The following GPR176 variants were observed in gnomAD, a reference collection of about 807,000 sequenced individuals.
GPR176 encodes the protein G-protein coupled receptor 176.
A neutral mutation model predicts 35.4 loss-of-function variants in GPR176; 26 were observed. The ratio of observed to expected loss-of-function variants is 0.74; its 90% CI spans 0.54 to 1.02. The LOEUF (loss-of-function observed/expected upper bound fraction) is 1.02. GPR176 is among the 50% of genes least tolerant of loss of function. The probability of loss-of-function intolerance (pLI) is 0.00; values close to 1 mark genes in which losing one functional copy is unlikely to be tolerated. For missense variants in GPR176, 597 were observed against 665.3 expected (o/e 0.90, Z 1.13); for synonymous variants, 278 against 271.3 (o/e 1.02, Z -0.24).
In GPR176 at chr15:39,799,958, G is replaced by T. The variant is rs930943915; in HGVS notation, c.*1174C>A. 1 of 152,172 alleles carries T rather than the reference G, an allele frequency of 6.6e-6. No individual in the cohort carries two copies. The highest frequency in any genetic ancestry group is 2.4e-5 in the African/African-American group (1 of 41,426). The allele number at this position is 152,172 out of a possible 1,614,324, so 9.4% of individuals were successfully genotyped here. On this transcript the variant is annotated 3_prime_UTR_variant, in exon 3 of 3. Coordinates refer to ENST00000561100, the MANE Select transcript of GPR176 (RefSeq NM_007223.3). ...TACAATGATTATTTCTCCCTGTTCT[G>T]TTCCTCCTCTGTGTCCAAAATTAAG... is the stretch of plus-strand genomic sequence containing the variant.
intron 1 of GPR176, among the ~76,000 whole-genome samples, chr15:39,833,443 T>G (rs1006888385): frequency 3.3e-5 from 5 of 152,268 alleles, no homozygotes; most frequent in African/African-American, 1.2e-4. Context: ...ATGTCCAGGA[T>G]AGACAAATCC....
At chr15:39,891,657 CA>C (rs1285972451) in intron 1 of GPR176, among the ~76,000 whole-genome samples, 1 of 152,046 alleles carries the variant, frequency 6.6e-6, no homozygotes, top group African/African-American at 2.4e-5. Flanking sequence ...ATCTTAGAGC[CA>C]AAACAGACGG....
chr15:39,819,891 A>C (rs568518), intron 1 of GPR176, among the ~76,000 whole-genome samples: 5,478 of 152,310 alleles, frequency 0.036, 311 homozygotes, highest in African/African-American at 0.12. Flanking sequence ...GATTTTGGAA[A>C]TGAAAGCTTC....
chr15:39,877,114 C>A (rs1487605089), intron 1 of GPR176, among the ~76,000 whole-genome samples: 3 of 152,138 alleles, frequency 2.0e-5, no homozygotes, highest in Non-Finnish European at 2.9e-5. Context: ...TTGAGTCTAG[C>A]AGCTCTGAAA....
At chr15:39,807,833 G>C (rs1899298201) in intron 1 of GPR176, among the ~76,000 whole-genome samples, 1 of 152,144 alleles carries the variant, frequency 6.6e-6, no homozygotes, top group Admixed American at 6.5e-5. Flanking sequence ...AATGCAATGT[G>C]CATTTTATTT....
intron 1 of GPR176, among the ~76,000 whole-genome samples, chr15:39,893,913 C>A (rs1393339333): frequency 3.0e-5 from 4 of 133,894 alleles, no homozygotes; most frequent in African/African-American, 1.2e-4. Flanking sequence ...GGGGGCTGAC[C>A]CCCCCCAACC....
intron 1 of GPR176, among the ~76,000 whole-genome samples, chr15:39,827,615 G>A (rs907553204): frequency 1.3e-5 from 2 of 152,150 alleles, no homozygotes; most frequent in Admixed American, 1.3e-4. Context: ...GTCAGTTGGG[G>A]AGCTTAGAAT....
Position 39,854,728 on chromosome 15 carries a change from G to A in GPR176, c.173-47470C>T, listed in dbSNP as rs191104143. 3.9e-5 allele frequency among the ~76,000 whole-genome samples: 6 copies of A among 152,048 alleles called. No homozygotes were observed. In the East Asian group the frequency reaches 1.2e-3, roughly 29 times the overall value. The stretch of plus-strand genomic sequence containing the variant: ...GGTCATTCTCCCCTCTCCTCCCTTG[G>A]TTCCCCTCCCACTCAGAAGTAAATC... On this transcript the variant is annotated intron_variant, in intron 1 of 2. Transcript: ENST00000561100.
At chr15:39,812,892 T>A (rs1284180809) in intron 1 of GPR176, among the ~76,000 whole-genome samples, 1 of 151,738 alleles carries the variant, frequency 6.6e-6, no homozygotes, top group Non-Finnish European at 1.5e-5. Context: ...TACTGGTGCA[T>A]ACTACCATGC....
Position 39,845,273 on chromosome 15 carries a change from C to A in GPR176, c.173-38015G>T, listed in dbSNP as rs529071850. On this transcript the variant is annotated intron_variant, in intron 1 of 2. Coordinates refer to ENST00000561100, the MANE Select transcript of GPR176 (RefSeq NM_007223.3). ...ATGAAGTCCTTGCTCTCATATAAAT[C>A]TCAGTCTCCAGAATCTAAAGCAGAA... Among the ~76,000 whole-genome samples the A allele has an allele frequency of 8.5e-5, 13 of 152,150 alleles. No homozygotes were observed. In the South Asian group the frequency reaches 2.7e-3, roughly 32 times the overall value.
chr15:39,874,997 G>A (rs1249600379), intron 1 of GPR176, among the ~76,000 whole-genome samples: 3 of 152,130 alleles, frequency 2.0e-5, no homozygotes, highest in Non-Finnish European at 4.4e-5. Context: ...AGCCAAGATC[G>A]CGCCATTGCA....
chr15:39,881,057 A>C (rs923928234), intron 1 of GPR176, among the ~76,000 whole-genome samples: 3 of 152,042 alleles, frequency 2.0e-5, no homozygotes, highest in African/African-American at 7.2e-5. Context: ...ATCTTGTGGG[A>C]TCTAGTTTCT....
chr15:39,886,383 G>A (rs1477201995), intron 1 of GPR176, among the ~76,000 whole-genome samples: 2 of 152,118 alleles, frequency 1.3e-5, no homozygotes, highest in Non-Finnish European at 2.9e-5. Flanking sequence ...AGCACAACCT[G>A]GGGACTTGTT....
At chr15:39,812,614 C>T (rs1013690855) in intron 1 of GPR176, among the ~76,000 whole-genome samples, 2 of 152,134 alleles carry the variant, frequency 1.3e-5, no homozygotes, top group East Asian at 3.8e-4. Context: ...TGTGGGACTT[C>T]ACTTTGTGAT....
chr15:39,813,026 T>C (rs1899674066), intron 1 of GPR176, among the ~76,000 whole-genome samples: 1 of 152,204 alleles, frequency 6.6e-6, no homozygotes, highest in Non-Finnish European at 1.5e-5. Flanking sequence ...TGAGCCACCA[T>C]GCCTGGGCCT....
intron 1 of GPR176, among the ~76,000 whole-genome samples, chr15:39,811,777 G>A (rs144009722): frequency 0.014 from 2,059 of 152,176 alleles, 55 homozygotes; most frequent in African/African-American, 0.047. Context: ...TTAGCCGGGC[G>A]TAGTAGTGGG....
At position 39,800,189 on chromosome 15, in the gene GPR176, T is replaced by A. The variant is rs370104043; in HGVS notation, c.*943A>T. 22 of 152,348 alleles carry A rather than the reference T, an allele frequency of 1.4e-4. 1 individual carries two copies. In the East Asian group the frequency reaches 1.9e-3, roughly 13 times the overall value. 9.4% of individuals were successfully genotyped at this position (152,348 alleles called of 1,614,324 possible). ...CATTTTAAAAATACCTTTTAATTCCTAAAGTTTGCATAAGATGATTTTTTC... is the reference window on the plus strand; with the variant it reads ...CATTTTAAAAATACCTTTTAATTCCAAAAGTTTGCATAAGATGATTTTTTC... On this transcript the variant is annotated 3_prime_UTR_variant, in exon 3 of 3. Coordinates refer to ENST00000561100, the MANE Select transcript of GPR176 (RefSeq NM_007223.3).
In GPR176 at chr15:39,822,671, TCTC is replaced by T. The variant is rs1329914343; in HGVS notation, c.173-15416_173-15414del. ...AGCTCTTTTAACTCTTCAAAGTAAATCTCCTTTTTATTCTCTGACTTTCTAAGA... is the reference window on the plus strand; with the variant it reads ...AGCTCTTTTAACTCTTCAAAGTAAATCTTTTTATTCTCTGACTTTCTAAGA... On this transcript the variant is annotated intron_variant, in intron 1 of 2. Transcript: ENST00000561100. Among the ~76,000 whole-genome samples, 3 of 152,184 alleles carry T rather than the reference TCTC, an allele frequency of 2.0e-5. No homozygotes were observed. The East Asian group carries it at 5.8e-4, about 29-fold the overall frequency.
At chr15:39,856,971 C>T (rs555717071) in intron 1 of GPR176, among the ~76,000 whole-genome samples, 1 of 152,156 alleles carries the variant, frequency 6.6e-6, no homozygotes, top group East Asian at 1.9e-4. Context: ...TTCCGGTGCA[C>T]AGTAGGCATT....
Sources: gnomAD v4.1 joint callset for allele counts (sites outside exome capture counted in the v4.1 genomes callset) on GRCh38, gnomAD v4.1.1 for gene constraint, MANE v1.5 for transcripts, NCBI Gene and HGNC (gene_info 2026-07-23, HGNC 2026-07-21) for gene names.